Variants in NALF1 observed in about 807,000 individuals in gnomAD.
NALF1 encodes family with sequence similarity 155 member A.
In NALF1, 3 loss-of-function variants were observed where a neutral mutation model predicts 48.4. That is an observed-to-expected ratio of 0.06 (90% confidence interval 0.03 to 0.16). The LOEUF (loss-of-function observed/expected upper bound fraction) is 0.16. NALF1 is among the 10% of genes least tolerant of loss of function. The pLI is 1.00. For missense variants in NALF1, 526 were observed against 571.5 expected (o/e 0.92, Z 0.81); for synonymous variants, 262 against 245.7 (o/e 1.07, Z -0.62).
chr13:107,281,169 A>C (rs1392139606), intron 1 of NALF1, among the ~76,000 whole-genome samples: 2 of 152,182 alleles, frequency 1.3e-5, no homozygotes, highest in East Asian at 3.9e-4. Flanking sequence ...GGGGAACATA[A>C]AAATGAATTA....
chr13:107,602,408 AC>A (rs35991713), intron 1 of NALF1, among the ~76,000 whole-genome samples: 36,828 of 152,006 alleles, frequency 0.24, 5,120 homozygotes, highest in East Asian at 0.38. Flanking sequence ...TGTCTCTGCC[AC>A]CCCTACTTTG....
intron 1 of NALF1, among the ~76,000 whole-genome samples, chr13:107,845,114 G>A (rs1880136797): frequency 6.6e-6 from 1 of 152,068 alleles, no homozygotes. Flanking sequence ...CTGGGAATAT[G>A]GTGATTTCAT....
At chr13:107,801,466 G>T (rs1439318830) in intron 1 of NALF1, among the ~76,000 whole-genome samples, 1 of 152,136 alleles carries the variant, frequency 6.6e-6, no homozygotes, top group Non-Finnish European at 1.5e-5. Context: ...GGCAATGCTC[G>T]GGTGGTGTTC....
In NALF1 at chr13:107,605,787, C is replaced by T. The variant is rs575969071; in HGVS notation, c.915+259895G>A. Among the ~76,000 whole-genome samples the T allele has an allele frequency of 4.3e-4, 66 of 152,330 alleles. 1 individual carries two copies. The highest frequency in any genetic ancestry group is 1.3e-3 in the African/African-American group (55 of 41,578). ...AGTCCCTGCTGCTGGGAAACATCCT[C>T]TCTGTACAGTGAAACATATTAGTTG... On this transcript the variant is annotated intron_variant, in intron 1 of 2. Transcript: ENST00000375915.
chr13:107,502,495 A>C lies in NALF1; in HGVS notation c.916-291740T>G, dbSNP rs1483370079. On this transcript the variant is annotated intron_variant, in intron 1 of 2. Transcript: ENST00000375915. ...ACAAGTGAGAGCTATGATGGCCTTG[A>C]TGAGAATATACCTCCATGGAAACCA... Among the ~76,000 whole-genome samples the C allele has an allele frequency of 2.0e-5, 3 of 152,202 alleles. No homozygotes were observed. In the South Asian group the frequency reaches 6.2e-4, roughly 31 times the overall value.
intron 1 of NALF1, among the ~76,000 whole-genome samples, chr13:107,778,481 T>C (rs956628988): frequency 6.6e-6 from 1 of 152,200 alleles, no homozygotes; most frequent in African/African-American, 2.4e-5. Flanking sequence ...AAGACCTGTA[T>C]GTGGAACTGG....
intron 1 of NALF1, among the ~76,000 whole-genome samples, chr13:107,350,349 G>A (rs1054694618): frequency 3.9e-5 from 6 of 152,328 alleles, no homozygotes; most frequent in African/African-American, 1.4e-4. Context: ...GAAAACTGCT[G>A]AGCCTCATGG....
intron 1 of NALF1, among the ~76,000 whole-genome samples, chr13:107,285,295 T>G (rs553541518): frequency 2.6e-5 from 4 of 152,308 alleles, no homozygotes; most frequent in African/African-American, 9.6e-5. Context: ...GATATATGGG[T>G]GAATAACCAT....
intron 1 of NALF1, among the ~76,000 whole-genome samples, chr13:107,302,682 C>A (rs892418651): frequency 6.6e-6 from 1 of 152,108 alleles, no homozygotes; most frequent in African/African-American, 2.4e-5. Flanking sequence ...ATAAAATAAA[C>A]CTAAAACCTA....
chr13:107,281,983 C>T (rs1021069651), intron 1 of NALF1, among the ~76,000 whole-genome samples: 1 of 152,152 alleles, frequency 6.6e-6, no homozygotes, highest in South Asian at 2.1e-4. Flanking sequence ...GATTATAATT[C>T]AAGATGAGAT....
At chr13:107,213,896 C>T (rs915777396) in intron 1 of NALF1, among the ~76,000 whole-genome samples, 2 of 152,018 alleles carry the variant, frequency 1.3e-5, no homozygotes, top group Non-Finnish European at 2.9e-5. Flanking sequence ...ACAGTTATCT[C>T]GTGTCTGAGA....
intron 1 of NALF1, among the ~76,000 whole-genome samples, chr13:107,586,396 T>C (rs1047209024): frequency 6.6e-6 from 1 of 152,110 alleles, no homozygotes; most frequent in African/African-American, 2.4e-5. Flanking sequence ...GTCTACAGTT[T>C]GCATGTGACG....
chr13:107,708,121 G>A (rs1875458455), intron 1 of NALF1, among the ~76,000 whole-genome samples: 1 of 152,004 alleles, frequency 6.6e-6, no homozygotes, highest in Admixed American at 6.6e-5. Flanking sequence ...TAAAAGCAGG[G>A]ACCTTTGAAA....
intron 1 of NALF1, among the ~76,000 whole-genome samples, chr13:107,819,861 G>T (rs142065215): frequency 6.6e-6 from 1 of 151,132 alleles, no homozygotes; most frequent in East Asian, 1.9e-4. Flanking sequence ...TTGTAGTAGC[G>T]CTTGCCACTA....
chr13:107,459,653 A>C (rs1005908463), intron 1 of NALF1, among the ~76,000 whole-genome samples: 7 of 152,220 alleles, frequency 4.6e-5, no homozygotes, highest in Non-Finnish European at 8.8e-5. Flanking sequence ...CCTGAAGCAG[A>C]GCTTACGTCT....
chr13:107,656,188 C>T (rs887381977), intron 1 of NALF1, among the ~76,000 whole-genome samples: 1 of 150,498 alleles, frequency 6.6e-6, no homozygotes, highest in Non-Finnish European at 1.5e-5. Context: ...AAAGCTTCTA[C>T]ACAGAAAAAG....
At chr13:107,831,625 A>G (rs1879733355) in intron 1 of NALF1, among the ~76,000 whole-genome samples, 1 of 152,216 alleles carries the variant, frequency 6.6e-6, no homozygotes, top group African/African-American at 2.4e-5. Context: ...AAATGTAAAC[A>G]TACTCAACGG....
intron 1 of NALF1, among the ~76,000 whole-genome samples, chr13:107,329,653 C>T (rs12585314): frequency 7.4e-6 from 1 of 135,840 alleles, no homozygotes; most frequent in African/African-American, 2.7e-5. Context: ...CCTCCCCCCT[C>T]CCCCCACGCC....
rs532083711 is a variant in NALF1 at position 107,816,990 on chromosome 13, G to A, written c.915+48692C>T. 2.6e-5 allele frequency among the ~76,000 whole-genome samples: 4 copies of A among 152,300 alleles called. No individual in the cohort carries two copies. In the South Asian group the frequency reaches 8.3e-4, roughly 32 times the overall value. The stretch of plus-strand genomic sequence containing the variant: ...GGATTTTGGAGAATTTAATATAAAT[G>A]TAGGGTTTTTTGTATTTTTAATCTC... On this transcript the variant is annotated intron_variant, in intron 1 of 2. Coordinates refer to ENST00000375915, the MANE Select transcript of NALF1 (RefSeq NM_001080396.3).
Sources: gnomAD v4.1 joint callset for allele counts (sites outside exome capture counted in the v4.1 genomes callset) on GRCh38, gnomAD v4.1.1 for gene constraint, MANE v1.5 for transcripts, NCBI Gene and HGNC (gene_info 2026-07-23, HGNC 2026-07-21) for gene names.